Variants in PIK3C2G observed in about 807,000 individuals in gnomAD.
PIK3C2G encodes the protein phosphatidylinositol 3-kinase C2 domain-containing subunit gamma.
PIK3C2G carries 168 observed loss-of-function variants against 181.1 expected under a neutral mutation model. The observed-to-expected ratio is 0.93, with a 90% CI of 0.82 to 1.05. PIK3C2G has a LOEUF of 1.05. Among genes scored for constraint, PIK3C2G ranks in the 50% least tolerant of loss-of-function variants. The pLI is 0.00. For synonymous variants in PIK3C2G, 573 were observed against 592.2 expected, an observed-to-expected ratio of 0.97 and a Z score of 0.47; for missense variants, 1,869 against 1,732.8, an observed-to-expected ratio of 1.08 and a Z score of -1.40.
upstream of PIK3C2G, among the ~76,000 whole-genome samples, chr12:18,243,703 T>C (rs1037522663): frequency 3.3e-5 from 5 of 152,070 alleles, no homozygotes; most frequent in African/African-American, 4.8e-5. Flanking sequence ...TCATTTTTAA[T>C]GCGTACTCCC....
At chr12:18,713,053 A>G in the PIK3C2G span, 2 of 1,576,132 alleles carry the variant, frequency 1.3e-6, no homozygotes, top group South Asian at 2.2e-5. Flanking sequence ...AAAGTATTAA[A>G]ATATTCCAAA....
chr12:18,619,799 A>C (rs1355558936), intron 31 of PIK3C2G, among the ~76,000 whole-genome samples: 1 of 147,812 alleles, frequency 6.8e-6, no homozygotes, highest in African/African-American at 2.5e-5. Context: ...ATCTCGGCTC[A>C]CTGCAAGCTC....
chr12:18,277,298 A>G (rs1949024018), intron 1 of PIK3C2G, among the ~76,000 whole-genome samples: 4 of 152,142 alleles, frequency 2.6e-5, no homozygotes. Context: ...TGGCTCAGCA[A>G]GTGAGGAGAT....
the PIK3C2G span, among the ~76,000 whole-genome samples, chr12:18,700,842 T>C: frequency 6.6e-6 from 1 of 152,184 alleles, no homozygotes; most frequent in South Asian, 2.1e-4. Context: ...TGTATATACA[T>C]ATAACATTAT....
chr12:18,650,538 T>A (rs1260106795), downstream of PIK3C2G, among the ~76,000 whole-genome samples: 1 of 150,220 alleles, frequency 6.7e-6, no homozygotes, highest in Non-Finnish European at 1.5e-5. Context: ...CTCATTTACA[T>A]TACCATATAA....
intron 4 of PIK3C2G, among the ~76,000 whole-genome samples, chr12:18,293,354 T>C (rs2137220742): frequency 6.6e-6 from 1 of 152,304 alleles, no homozygotes; most frequent in Non-Finnish European, 1.5e-5. Flanking sequence ...AGAACATTGA[T>C]AAGAACATCT....
chr12:18,335,575 A>C (rs188410963), intron 8 of PIK3C2G, among the ~76,000 whole-genome samples: 2 of 152,236 alleles, frequency 1.3e-5, no homozygotes, highest in East Asian at 3.9e-4. Context: ...GCTATGTATC[A>C]AAAAATACTC....
chr12:18,627,741 C>T (rs1488669429), intron 31 of PIK3C2G, among the ~76,000 whole-genome samples: 1 of 152,134 alleles, frequency 6.6e-6, no homozygotes, highest in Non-Finnish European at 1.5e-5. Context: ...AATTTAAAAA[C>T]TGCAATGTGA....
chr12:18,330,430 G>T (rs1937811501), intron 8 of PIK3C2G, among the ~76,000 whole-genome samples: 1 of 152,020 alleles, frequency 6.6e-6, no homozygotes, highest in South Asian at 2.1e-4. Flanking sequence ...GAGTTCTTGT[G>T]GTTCTGCATC....
chr12:18,658,838 G>A, the PIK3C2G span, among the ~76,000 whole-genome samples: 1 of 152,070 alleles, frequency 6.6e-6, no homozygotes, highest in Non-Finnish European at 1.5e-5. Context: ...CTTCAGAAAT[G>A]TTCTAAAGTG....
Position 18,574,922 on chromosome 12 carries a change from A to T in PIK3C2G, c.4011+7865A>T, listed in dbSNP as rs373409924. 1.7e-4 allele frequency among the ~76,000 whole-genome samples: 26 copies of T among 152,318 alleles called. No homozygotes were observed. In the East Asian group the frequency reaches 4.1e-3, roughly 24 times the overall value. The stretch of plus-strand genomic sequence containing the variant: ...GATTGAATCAGTACATATAAAAAAA[A>T]CTTACTGAAATTTAAAAATATATCA... On this transcript the variant is annotated intron_variant, in intron 29 of 32. Coordinates refer to ENST00000538779, the MANE Select transcript of PIK3C2G (RefSeq NM_001288772.2).
chr12:18,720,051 G>T, the PIK3C2G span, among the ~76,000 whole-genome samples: 2 of 152,014 alleles, frequency 1.3e-5, no homozygotes, highest in Admixed American at 1.3e-4. Context: ...ATCTGACTTC[G>T]AAAAGCATAG....
intron 12 of PIK3C2G, among the ~76,000 whole-genome samples, chr12:18,370,726 GT>G (rs2137872541): frequency 6.6e-6 from 1 of 152,132 alleles, no homozygotes; most frequent in South Asian, 2.1e-4. Context: ...GACACACCTA[GT>G]TGTTCATCCA....
intron 14 of PIK3C2G, among the ~76,000 whole-genome samples, chr12:18,387,730 C>T (rs1168425815): frequency 6.6e-6 from 1 of 152,210 alleles, no homozygotes; most frequent in Admixed American, 6.5e-5. Context: ...TTCCTTCCCA[C>T]TGACTGAGTG....
the PIK3C2G span, chr12:18,712,990 G>A: frequency 1.2e-5 from 19 of 1,613,744 alleles, no homozygotes; most frequent in Non-Finnish European, 7.6e-6. Context: ...AAGGGCACTA[G>A]CAAAATTTCA....
At chr12:18,352,633 G>A (rs4500540) in intron 11 of PIK3C2G, among the ~76,000 whole-genome samples, 13,192 of 152,202 alleles carry the variant, frequency 0.087, 958 homozygotes, top group Admixed American at 0.24. Context: ...GCTGTTGTTC[G>A]GCATCCAGGA....
chr12:18,454,916 G>T (rs1057290572), intron 18 of PIK3C2G, among the ~76,000 whole-genome samples: 1 of 152,044 alleles, frequency 6.6e-6, no homozygotes, highest in African/African-American at 2.4e-5. Flanking sequence ...TATTTCTGTA[G>T]GTCAGGAATT....
the PIK3C2G span, among the ~76,000 whole-genome samples, chr12:18,704,915 G>T: frequency 6.6e-6 from 1 of 152,018 alleles, no homozygotes. Flanking sequence ...CTTTGATATT[G>T]TGGACCCATG....
chr12:18,568,757 G>A, intron 29 of PIK3C2G, among the ~76,000 whole-genome samples: 1 of 152,136 alleles, frequency 6.6e-6, no homozygotes, highest in South Asian at 2.1e-4. Flanking sequence ...CAGCCAAGTT[G>A]ACAGACAAAA....
Sources: allele counts gnomAD v4.1 joint callset (sites outside exome capture counted in the v4.1 genomes callset), GRCh38; gene constraint gnomAD v4.1.1; transcripts MANE v1.5; gene names NCBI Gene and HGNC (gene_info 2026-07-23, HGNC 2026-07-21).